Variants in RRP1B observed in about 807,000 individuals in gnomAD.
The protein encoded by RRP1B is ribosomal RNA processing protein 1 homolog B.
A neutral mutation model predicts 80.2 loss-of-function variants in RRP1B; 56 were observed. The observed-to-expected ratio is 0.70, with a 90% confidence interval of 0.56 to 0.87. The LOEUF (loss-of-function observed/expected upper bound fraction) is 0.87, where lower values mean the gene tolerates loss of function less well. RRP1B is among the 40% of genes least tolerant of loss of function. RRP1B has a pLI of 0.00. For missense variants in RRP1B, 807 were observed against 939.8 expected, an observed-to-expected ratio of 0.86 and a Z score of 1.85; for synonymous variants, 351 against 357.6, an observed-to-expected ratio of 0.98 and a Z score of 0.21.
intron 5 of RRP1B, 50 bp downstream of exon 5, chr21:43,674,747 T>A: frequency 6.8e-7 from 1 of 1,478,774 alleles, no homozygotes. Context: ...ACTTAAAAGG[T>A]AGTAGAGTGT....
At chr21:43,674,586 C>CTTTTTT (rs33994751) in intron 4 of RRP1B, 50 bp from the exon 5 acceptor site, 244 of 392,562 alleles carry the variant, frequency 6.2e-4, no homozygotes, top group South Asian at 1.9e-3. Context: ...CTTACCTTTC[C>CTTTTTT]TTTTTTTTTT....
intron 3 of RRP1B, among the ~76,000 whole-genome samples, chr21:43,672,993 AAT>A (rs1271551082): frequency 6.6e-6 from 1 of 152,238 alleles, no homozygotes; most frequent in Non-Finnish European, 1.5e-5. Context: ...TGCAAAAAGA[AAT>A]AAAGCCAAAA....
At chr21:43,672,435 C>T (rs1057250373) in intron 3 of RRP1B, 70 bp downstream of exon 3, 21 of 1,325,898 alleles carry the variant, frequency 1.6e-5, no homozygotes, top group Admixed American at 1.3e-4. Flanking sequence ...AACCTTGTGC[C>T]GGTATTGTGT....
intron 3 of RRP1B, 58 bp from the exon 4 acceptor site, chr21:43,673,812 C>T (rs1568956344): frequency 7.7e-6 from 8 of 1,034,450 alleles, no homozygotes; most frequent in Non-Finnish European, 1.2e-5. Flanking sequence ...TATTTTCTTG[C>T]TATATGGTAG....
intron 1 of RRP1B, among the ~76,000 whole-genome samples, chr21:43,666,716 C>CAA (rs34846277): frequency 4.7e-5 from 6 of 127,016 alleles, no homozygotes; most frequent in African/African-American, 1.7e-4. Context: ...AAACTGTCTC[C>CAA]AAAAAAAAAA....
chr21:43,674,022 A>G lies in RRP1B; in HGVS notation c.357+67A>G, dbSNP rs138825615. On this transcript the variant is annotated intron_variant, in intron 4 of 15. Coordinates refer to ENST00000340648, the MANE Select transcript of RRP1B (RefSeq NM_015056.3). Reference sequence around the variant, plus strand: ...AAGAATGTCCTTTATCTTAAAAACAATGGGAAGGTTTATTTGTGAAGCAAA... The same window carrying G: ...AAGAATGTCCTTTATCTTAAAAACAGTGGGAAGGTTTATTTGTGAAGCAAA... 2.3e-5 allele frequency: 27 copies of G among 1,197,388 alleles called. No homozygotes were observed. In the East Asian group the frequency reaches 6.4e-4, roughly 28 times the overall value. 74.2% of individuals were successfully genotyped at this position (1,197,388 alleles called of 1,614,324 possible). A position where few individuals can be genotyped will look rare whatever the true frequency, so the allele number is the denominator to read the frequency against.
At position 43,693,380 on chromosome 21, in the gene RRP1B, C is replaced by T; in HGVS notation, c.2274C>T (p.Phe758=). The T allele has an allele frequency of 6.4e-7, 1 of 1,568,480 alleles. No individual in the cohort carries two copies. Among genetic ancestry groups the T allele is most frequent in the Non-Finnish European group, 8.6e-7 (1 of 1,158,332 alleles). The change falls in exon 16 of 16, where the codon TTC becomes TTT. Residue 758 remains phenylalanine (F), a synonymous_variant. Coordinates refer to ENST00000340648, the MANE Select transcript of RRP1B (RefSeq NM_015056.3). The surrounding 1 kb of genome is among the most constrained non-coding windows in gnomAD (Gnocchi z 4.1). ...GAAGGCCCAGGGCTATGGATTTCTT[C>T]TGAGGAGCAGCAGAGTCCCTTGTAA... ...PRRRPRAMDF[F] is the part of the protein sequence containing the mutation.
intron 14 of RRP1B, among the ~76,000 whole-genome samples, chr21:43,690,783 G>C (rs2083083169): frequency 6.6e-6 from 1 of 152,238 alleles, no homozygotes. Flanking sequence ...ACACAGAAAT[G>C]TGGGTCAGAG....
intron 1 of RRP1B, among the ~76,000 whole-genome samples, chr21:43,660,213 A>C (rs555155515): frequency 6.6e-6 from 1 of 152,326 alleles, no homozygotes; most frequent in South Asian, 2.1e-4. Flanking sequence ...GTAATAAAGC[A>C]AGGAGGCAAA....
chr21:43,676,822 A>G lies in RRP1B; in HGVS notation c.704A>G (p.Gln235Arg), dbSNP rs1297099021. ...PFVPEETMEE[Q>R]KTKVGDGDLS... ...GTGCCTGAAGAGACGATGGAGGAAC[A>G]GAAGACAAAAGTGGGTGATGGTGAC... The change falls in exon 8 of 16, where the codon CAG becomes CGG. Residue 235 changes from glutamine (Q) to arginine (R), a missense_variant. Physicochemically the swap from Gln to Arg is conservative, Grantham distance 43 (BLOSUM62 1). Coordinates refer to ENST00000340648, the MANE Select transcript of RRP1B (RefSeq NM_015056.3). 1 of 1,614,276 alleles carries G rather than the reference A, an allele frequency of 6.2e-7. No individual in the cohort carries two copies. The highest frequency in any genetic ancestry group is 8.5e-7 in the Non-Finnish European group (1 of 1,180,046).
intron 12 of RRP1B, 152 bp from the exon 13 acceptor site, chr21:43,687,364 T>G: frequency 1.2e-6 from 1 of 807,584 alleles, no homozygotes; most frequent in Non-Finnish European, 1.8e-6. Flanking sequence ...ACAAAGGTAG[T>G]GGGCGCACCA....
chr21:43,684,593 C>A lies in RRP1B; in HGVS notation c.932C>A (p.Thr311Asn). 1.2e-6 allele frequency: 2 copies of A among 1,614,096 alleles called. No individual in the cohort carries two copies. Among genetic ancestry groups the A allele is most frequent in the Non-Finnish European group, 1.7e-6 (2 of 1,180,008 alleles). The change falls in exon 10 of 16, where the codon ACC (threonine) becomes AAC (asparagine). Residue 311 changes from threonine (T) to asparagine (N), a missense_variant. Physicochemically the swap from Thr to Asn is moderately conservative, Grantham distance 65. Coordinates refer to ENST00000340648, the MANE Select transcript of RRP1B (RefSeq NM_015056.3). Reference protein sequence around the residue: ...KAVADRLLEMTSRKNTPHFNR... With the variant: ...KAVADRLLEMNSRKNTPHFNR... Reference sequence around the variant, plus strand: ...GTTGCTGATCGACTCCTGGAAATGACCAGCAGGAAGAACACGCCCCACTTC... The same window carrying A: ...GTTGCTGATCGACTCCTGGAAATGAACAGCAGGAAGAACACGCCCCACTTC...
chr21:43,673,825 T>G (rs768042063), intron 3 of RRP1B, 45 bp from the exon 4 acceptor site: 15 of 1,229,120 alleles, frequency 1.2e-5, no homozygotes, highest in Middle Eastern at 1.9e-4. Context: ...TATGGTAGTA[T>G]GTTGATGTGG....
At position 43,659,811 on chromosome 21, in the gene RRP1B, G is replaced by T. The variant is rs796476947; in HGVS notation, c.130+17G>T. ...GGGAGACAGGTGGGCGCACGGCCGC[G>T]GTCAGCCGCGCCACATGGCGGGCCG... is the stretch of plus-strand genomic sequence containing the variant. On this transcript the variant is annotated intron_variant, in intron 1 of 15. Coordinates refer to ENST00000340648, the MANE Select transcript of RRP1B (RefSeq NM_015056.3). This position sits in a 1 kb window ranked among gnomAD's most constrained non-coding sequence, Gnocchi z 4.2. 2.7e-6 allele frequency: 4 copies of T among 1,497,056 alleles called. No homozygotes were observed. The Admixed American group carries it at 6.5e-5, about 24-fold the overall frequency. 92.7% of individuals were successfully genotyped at this position (1,497,056 alleles called of 1,614,324 possible).
At chr21:43,679,492 C>T (rs983142750) in intron 8 of RRP1B, among the ~76,000 whole-genome samples, 4 of 152,104 alleles carry the variant, frequency 2.6e-5, no homozygotes, top group African/African-American at 9.7e-5. Context: ...AGGCTGATCT[C>T]GAACTCCTGA....
At chr21:43,690,259 C>T in intron 13 of RRP1B, 29 bp from the exon 14 acceptor site, 6 of 1,612,024 alleles carry the variant, frequency 3.7e-6, no homozygotes, top group Non-Finnish European at 4.2e-6. Flanking sequence ...TCTGACCCCT[C>T]CTCCGCTTCT....
chr21:43,666,227 A>C lies in RRP1B; in HGVS notation c.131-3657A>C, dbSNP rs192939824. Among the ~76,000 whole-genome samples the C allele has an allele frequency of 4.1e-4, 62 of 152,316 alleles. 1 individual carries two copies. Among genetic ancestry groups the C allele is most frequent in the Admixed American group, 1.9e-3 (29 of 15,302 alleles). On this transcript the variant is annotated intron_variant, in intron 1 of 15. Coordinates refer to ENST00000340648, the MANE Select transcript of RRP1B (RefSeq NM_015056.3). ...AAAATCTTCTTGCTCAGTCCTTAGG[A>C]GTTTCTAGCTCTCTCCTTACTGGAC...
In RRP1B at chr21:43,687,615, C is replaced by G. The variant is rs1475879421; in HGVS notation, c.1241C>G (p.Pro414Arg). ...KKKHHLQPEN[P>R]GPGGAAPSLE... Reference sequence around the variant, plus strand: ...AAGCACCACCTGCAGCCTGAAAATCCAGGCCCAGGGGGTGCAGCCCCATCC... The same window carrying G: ...AAGCACCACCTGCAGCCTGAAAATCGAGGCCCAGGGGGTGCAGCCCCATCC... The change falls in exon 13 of 16, where the codon CCA (proline) becomes CGA (arginine). Residue 414 changes from proline to arginine, a missense_variant. Transcript: ENST00000340648. 1.2e-5 allele frequency: 18 copies of G among 1,524,946 alleles called. No homozygotes were observed. The East Asian group carries it at 4.1e-4, about 35-fold the overall frequency. 94.5% of individuals were successfully genotyped at this position (1,524,946 alleles called of 1,614,324 possible). A position where few individuals can be genotyped will look rare whatever the true frequency, so the allele number is the denominator to read the frequency against.
rs1416137640 is a variant in RRP1B at position 43,659,623 on chromosome 21, G to C, written c.-42G>C. ...TCCGCAGCGCTCGGCTGGCTGCAGC[G>C]GCACCGCGGGTTGCGCGGCCGGGGA... On this transcript the variant is annotated 5_prime_UTR_variant, in exon 1 of 16. Transcript: ENST00000340648. This position sits in a 1 kb window ranked among gnomAD's most constrained non-coding sequence, Gnocchi z 4.2. The C allele has an allele frequency of 2.1e-6, 3 of 1,422,128 alleles. No individual in the cohort carries two copies. Among genetic ancestry groups the C allele is most frequent in the Admixed American group, 5.6e-5 (2 of 35,578 alleles). The allele number at this position is 1,422,128 out of a possible 1,614,324, so 88.1% of individuals were successfully genotyped here.
Sources: allele counts gnomAD v4.1 joint callset (sites outside exome capture counted in the v4.1 genomes callset), GRCh38; gene constraint gnomAD v4.1.1; non-coding constraint Gnocchi (gnomAD v3.1); transcripts MANE v1.5; gene names NCBI Gene and HGNC (gene_info 2026-07-23, HGNC 2026-07-21).